The following SYNDIG1 variants were observed in gnomAD, a reference collection of about 807,000 sequenced individuals.
SYNDIG1 encodes synapse differentiation inducing 1.
Under a neutral mutation model 19.4 loss-of-function variants are expected in SYNDIG1, and 9 were observed. The ratio of observed to expected loss-of-function variants is 0.46; its 90% confidence interval spans 0.28 to 0.81. The LOEUF (loss-of-function observed/expected upper bound fraction) is 0.81, where lower values mean the gene tolerates loss of function less well. Among genes scored for constraint, SYNDIG1 ranks in the 30% least tolerant of loss-of-function variants. The probability of loss-of-function intolerance (pLI) is 0.12; values close to 1 mark genes in which losing one functional copy is unlikely to be tolerated. For missense variants in SYNDIG1, 311 were observed against 343.3 expected, an observed-to-expected ratio of 0.91 and a Z score of 0.74; for synonymous variants, 141 against 145.9, an observed-to-expected ratio of 0.97 and a Z score of 0.24.
At chr20:24,637,902 G>T (rs1320205798) in intron 3 of SYNDIG1, among the ~76,000 whole-genome samples, 1 of 152,216 alleles carries the variant, frequency 6.6e-6, no homozygotes, top group Non-Finnish European at 1.5e-5. Flanking sequence ...AGACTTCTTG[G>T]CAGAAATCCA....
intron 3 of SYNDIG1, among the ~76,000 whole-genome samples, chr20:24,587,687 G>A (rs2058439780): frequency 6.6e-6 from 1 of 152,238 alleles, no homozygotes; most frequent in African/African-American, 2.4e-5. Context: ...AGAGGGGGAA[G>A]CCCGGAGCCC....
At chr20:24,596,576 G>A (rs1044385846) in intron 3 of SYNDIG1, among the ~76,000 whole-genome samples, 2 of 151,276 alleles carry the variant, frequency 1.3e-5, no homozygotes, top group South Asian at 2.1e-4. Context: ...ATAGAGTTTT[G>A]CCATGTTGCC....
At chr20:24,563,705 A>C (rs1312764966) in intron 2 of SYNDIG1, among the ~76,000 whole-genome samples, 1 of 152,212 alleles carries the variant, frequency 6.6e-6, no homozygotes, top group Non-Finnish European at 1.5e-5. Flanking sequence ...AGACTCAAGC[A>C]ATCTTCCCAC....
intron 3 of SYNDIG1, among the ~76,000 whole-genome samples, chr20:24,594,821 G>A (rs1282100321): frequency 6.6e-6 from 1 of 151,980 alleles, no homozygotes. Context: ...AATCTTGGGT[G>A]TTGTTGGTGT....
At chr20:24,540,443 T>A (rs181509745) in intron 1 of SYNDIG1, among the ~76,000 whole-genome samples, 94 of 152,328 alleles carry the variant, frequency 6.2e-4, no homozygotes, top group Non-Finnish European at 1.2e-3. Context: ...AAAGTGGGCA[T>A]CTTTGCCTTG....
At chr20:24,546,995 C>CCATTGCCCTGGTTCAGAATGGGGCCCCCT (rs1316729153) in intron 2 of SYNDIG1, among the ~76,000 whole-genome samples, 2 of 152,126 alleles carry the variant, frequency 1.3e-5, no homozygotes, top group Admixed American at 1.3e-4. Flanking sequence ...TTTCAAAAAG[C>CCATTGCCCTGGTTCAGAATGGGGCCCCCT]CATTGCCCTG....
chr20:24,488,787 G>T (rs1484347387), intron 1 of SYNDIG1, among the ~76,000 whole-genome samples: 3 of 152,204 alleles, frequency 2.0e-5, no homozygotes, highest in Admixed American at 1.3e-4. Context: ...TACATTTCCT[G>T]CCTGGACTCT....
chr20:24,665,535 G>A lies in SYNDIG1; in HGVS notation c.*31G>A, dbSNP rs749487919. The stretch of plus-strand genomic sequence containing the variant: ...CTGCGAATGGAGGGGGAGCACCCGG[G>A]GCCAGGTCTGTGTGGACGTGGAGGA... On this transcript the variant is annotated 3_prime_UTR_variant, in exon 4 of 4. Coordinates refer to ENST00000376862, the MANE Select transcript of SYNDIG1 (RefSeq NM_024893.3). 6 of 1,613,396 alleles carry A rather than the reference G, an allele frequency of 3.7e-6. No homozygotes were observed. In the South Asian group the frequency reaches 5.5e-5, roughly 15 times the overall value.
chr20:24,595,903 C>G (rs930103489), intron 3 of SYNDIG1, among the ~76,000 whole-genome samples: 1 of 152,176 alleles, frequency 6.6e-6, no homozygotes, highest in African/African-American at 2.4e-5. Context: ...TTTCAAAGAA[C>G]AAACTTCTGG....
intron 3 of SYNDIG1, among the ~76,000 whole-genome samples, chr20:24,617,390 T>G (rs911455615): frequency 6.6e-6 from 1 of 152,230 alleles, no homozygotes; most frequent in Non-Finnish European, 1.5e-5. Context: ...GACATGGCAC[T>G]GCTCTGAACC....
At position 24,573,779 on chromosome 20, in the gene SYNDIG1, C is replaced by T. The variant is rs545819475; in HGVS notation, c.481-11077C>T. On this transcript the variant is annotated intron_variant, in intron 2 of 3. Transcript: ENST00000376862. Reference sequence around the variant, plus strand: ...CCTCCTCTCAAGTGTCCCAGAGTCTCATGGTCGTGTTCCACATAGGGCTGC... The same window carrying T: ...CCTCCTCTCAAGTGTCCCAGAGTCTTATGGTCGTGTTCCACATAGGGCTGC... Among the ~76,000 whole-genome samples the T allele has an allele frequency of 6.6e-5, 10 of 152,352 alleles. 1 individual carries two copies. Among genetic ancestry groups the T allele is most frequent in the East Asian group, 5.8e-4 (3 of 5,176 alleles).
intron 2 of SYNDIG1, among the ~76,000 whole-genome samples, chr20:24,573,713 G>C (rs1295792469): frequency 6.6e-6 from 1 of 152,172 alleles, no homozygotes; most frequent in Non-Finnish European, 1.5e-5. Context: ...GCGGTGATGA[G>C]GTTTCTCATC....
At chr20:24,516,365 C>T (rs1444994427) in intron 1 of SYNDIG1, among the ~76,000 whole-genome samples, 1 of 152,088 alleles carries the variant, frequency 6.6e-6, no homozygotes, top group Non-Finnish European at 1.5e-5. Flanking sequence ...TTCTGCACAG[C>T]AAAAGAAACT....
intron 3 of SYNDIG1, among the ~76,000 whole-genome samples, chr20:24,663,720 T>G (rs1006076811): frequency 6.6e-6 from 1 of 152,200 alleles, no homozygotes; most frequent in Non-Finnish European, 1.5e-5. Flanking sequence ...AGGGAATGAA[T>G]GCTGCTGGCA....
chr20:24,585,826 G>A (rs1384315738), intron 3 of SYNDIG1, among the ~76,000 whole-genome samples: 1 of 152,242 alleles, frequency 6.6e-6, no homozygotes, highest in Non-Finnish European at 1.5e-5. Flanking sequence ...CAGGGTCGGG[G>A]TGGTGCTGCG....
At chr20:24,532,501 G>A (rs1198538525) in intron 1 of SYNDIG1, among the ~76,000 whole-genome samples, 1 of 152,178 alleles carries the variant, frequency 6.6e-6, no homozygotes, top group Non-Finnish European at 1.5e-5. Context: ...GGAATGTTCT[G>A]GAATCAGATA....
At chr20:24,630,993 G>A (rs1183455187) in intron 3 of SYNDIG1, among the ~76,000 whole-genome samples, 1 of 152,264 alleles carries the variant, frequency 6.6e-6, no homozygotes, top group East Asian at 1.9e-4. Flanking sequence ...GCTGCTGATG[G>A]AAATGAGGGA....
chr20:24,523,935 G>A (rs2057060983), intron 1 of SYNDIG1, among the ~76,000 whole-genome samples: 1 of 152,206 alleles, frequency 6.6e-6, no homozygotes, highest in African/African-American at 2.4e-5. Flanking sequence ...ATTCATTTAA[G>A]CTATTCACTG....
chr20:24,622,714 G>A (rs192602780), intron 3 of SYNDIG1, among the ~76,000 whole-genome samples: 9 of 152,272 alleles, frequency 5.9e-5, no homozygotes, highest in African/African-American at 9.6e-5. Flanking sequence ...GGTCCCTGGT[G>A]CCAAAAAGGT....
Sources: allele counts gnomAD v4.1 joint callset (sites outside exome capture counted in the v4.1 genomes callset), GRCh38; gene constraint gnomAD v4.1.1; transcripts MANE v1.5; gene names NCBI Gene and HGNC (gene_info 2026-07-23, HGNC 2026-07-21).